NEIL1: variants seen among roughly 807,000 people sequenced by gnomAD.
NEIL1 encodes the protein nei like DNA glycosylase 1.
NEIL1 carries 31 observed loss-of-function variants against 44.2 expected under a neutral mutation model. The ratio of observed to expected loss-of-function variants is 0.70; its 90% confidence interval spans 0.53 to 0.95. The LOEUF (loss-of-function observed/expected upper bound fraction) is 0.95, where lower values mean the gene tolerates loss of function less well. NEIL1 is among the 40% of genes least tolerant of loss of function. The pLI, the probability that NEIL1 is intolerant of heterozygous loss-of-function variation, is 0.00. For missense variants in NEIL1, 549 were observed against 515.5 expected (o/e 1.07, Z -0.63); for synonymous variants, 254 against 209.7 (o/e 1.21, Z -1.83).
intron 3 of NEIL1, 24 bp downstream of exon 3, chr15:75,352,254 G>A (rs768509842): frequency 1.9e-6 from 3 of 1,614,262 alleles, no homozygotes; most frequent in Non-Finnish European, 2.5e-6. Flanking sequence ...CATGGGCATG[G>A]GGACTGCGGT....
intron 2 of NEIL1, 128 bp downstream of exon 2, chr15:75,349,467 A>G (rs532993878): frequency 4.7e-4 from 419 of 899,910 alleles, no homozygotes; most frequent in Admixed American, 6.3e-4. Context: ...CTGCAGATCA[A>G]GACAGTATAC....
chr15:75,354,119 G>T, intron 6 of NEIL1, 131 bp from the exon 7 acceptor site: 2 of 1,130,340 alleles, frequency 1.8e-6, no homozygotes, highest in Middle Eastern at 2.0e-4. Context: ...TAACATGGGG[G>T]ATGTCCTAGA....
chr15:75,348,232 C>A, intron 1 of NEIL1: 1 of 835,596 alleles, frequency 1.2e-6, no homozygotes, highest in Non-Finnish European at 1.4e-6. Flanking sequence ...GCGGGGATGT[C>A]CGGTCCGTGG....
Position 75,353,860 on chromosome 15 carries a change from GT to G in NEIL1, c.842del (p.Phe281SerfsTer25). ...AGGACCGGCATGGCCGTACCATCTG[GT>G]TCCAGGTTGGGCCCTACTGTTCACA... is the stretch of plus-strand genomic sequence containing the variant. Reference protein sequence around the residue: ...LQDRHGRTIWFQGDPGPLAPK... With the variant: ...LQDRHGRTIWXQGDPGPLAPK... On this transcript the variant is annotated frameshift_variant, in exon 6 of 10. Coordinates refer to ENST00000355059, the MANE Select transcript of NEIL1 (RefSeq NM_024608.4). LOFTEE classifies it high-confidence loss of function. The G allele has an allele frequency of 6.2e-7, 1 of 1,612,666 alleles. No homozygotes were observed. Among genetic ancestry groups the G allele is most frequent in the African/African-American group, 1.3e-5 (1 of 75,016 alleles).
Position 75,356,906 on chromosome 15 carries a change from G to C in NEIL1, c.*1872G>C. The C allele has an allele frequency of 5.0e-6, 8 of 1,613,554 alleles. No individual in the cohort carries two copies. Among genetic ancestry groups the C allele is most frequent in the Non-Finnish European group, 6.8e-6 (8 of 1,179,602 alleles). Reference sequence around the variant, plus strand: ...CCATCCAGCGATGGGCCCACACCTGGAGGGCAGATCCAAGACCCACTTGGT... The same window carrying C: ...CCATCCAGCGATGGGCCCACACCTGCAGGGCAGATCCAAGACCCACTTGGT... On this transcript the variant is annotated 3_prime_UTR_variant, in exon 10 of 10. Coordinates refer to ENST00000355059, the MANE Select transcript of NEIL1 (RefSeq NM_024608.4). This position sits in a 1 kb window ranked among gnomAD's most constrained non-coding sequence, Gnocchi z 5.8.
chr15:75,348,530 C>A, intron 1 of NEIL1: 1 of 1,143,368 alleles, frequency 8.7e-7, no homozygotes, highest in Non-Finnish European at 1.1e-6. Flanking sequence ...CAGCAGGGGC[C>A]AAGGCGGAGA....
At chr15:75,351,569 C>G (rs1192135673) in intron 2 of NEIL1, among the ~76,000 whole-genome samples, 1 of 152,030 alleles carries the variant, frequency 6.6e-6, no homozygotes, top group Admixed American at 6.6e-5. Context: ...CCACACCAGC[C>G]TCAAGTTACT....
At chr15:75,351,357 C>T in intron 2 of NEIL1, 1 of 423,856 alleles carries the variant, frequency 2.4e-6, no homozygotes. Context: ...CTCATTGCAG[C>T]CTTAACCTCC....
chr15:75,356,524 C>T lies in NEIL1; in HGVS notation c.*1490C>T. 6.4e-7 allele frequency: 1 copy of T among 1,553,510 alleles called. No homozygotes were observed. The highest frequency in any genetic ancestry group is 8.7e-7 in the Non-Finnish European group (1 of 1,147,330). ...CCCTGTCCCTAGAAGGGGCAGGAAGCCAGGTTGCTGGGGTTTGGGCTCAGG... is the reference window on the plus strand; with the variant it reads ...CCCTGTCCCTAGAAGGGGCAGGAAGTCAGGTTGCTGGGGTTTGGGCTCAGG... On this transcript the variant is annotated 3_prime_UTR_variant, in exon 10 of 10. Transcript: ENST00000355059. The surrounding 1 kb of genome is among the most constrained non-coding windows in gnomAD (Gnocchi z 5.8).
intron 7 of NEIL1, 24 bp downstream of exon 7, chr15:75,354,301 G>A: frequency 2.5e-6 from 4 of 1,613,966 alleles, no homozygotes; most frequent in Non-Finnish European, 3.4e-6. Flanking sequence ...AATGTAATAG[G>A]CTAAGAGAGC....
At chr15:75,352,995 GC>G (rs2072041785) in intron 5 of NEIL1, 1 of 317,776 alleles carries the variant, frequency 3.1e-6, no homozygotes, top group Admixed American at 4.6e-5. Context: ...CAAAAAATTA[GC>G]CAGGTGTGGT....
intron 6 of NEIL1, 85 bp downstream of exon 6, chr15:75,353,951 C>A: frequency 6.4e-7 from 1 of 1,551,678 alleles, no homozygotes; most frequent in South Asian, 1.2e-5. Flanking sequence ...GGTGGTGATG[C>A]TCAGGGTCTG....
rs2071686184 is a variant in NEIL1 at position 75,349,219 on chromosome 15, C to T, written c.314C>T (p.Pro105Leu). The T allele has an allele frequency of 1.9e-6, 3 of 1,609,668 alleles. No individual in the cohort carries two copies. Among genetic ancestry groups the T allele is most frequent in the South Asian group, 1.1e-5 (1 of 91,066 alleles). ...GCCCACCTGCGCTTTTACACGGCCCCGCCTGGCCCCCGGCTCGCCCTATGT... is the reference window on the plus strand; with the variant it reads ...GCCCACCTGCGCTTTTACACGGCCCTGCCTGGCCCCCGGCTCGCCCTATGT... ...RHAHLRFYTA[P>L]PGPRLALCFV... The change falls in exon 2 of 10, where the codon CCG (proline) becomes CTG (leucine). Residue 105 changes from proline to leucine, a missense_variant. Physicochemically the swap from Pro to Leu is moderately conservative, Grantham distance 98 (BLOSUM62 -3). Coordinates refer to ENST00000355059, the MANE Select transcript of NEIL1 (RefSeq NM_024608.4).
chr15:75,349,567 G>A, intron 2 of NEIL1: 1 of 556,420 alleles, frequency 1.8e-6, no homozygotes, highest in East Asian at 2.9e-5. Context: ...GTAAATCCCA[G>A]CACTTTGGGA....
In NEIL1 at chr15:75,348,864, G is replaced by T. The variant is rs745335123; in HGVS notation, c.-22-20G>T. 2 of 1,594,346 alleles carry T rather than the reference G, an allele frequency of 1.3e-6. No individual in the cohort carries two copies. Among genetic ancestry groups the T allele is most frequent in the African/African-American group, 1.3e-5 (1 of 74,656 alleles). On this transcript the variant is annotated intron_variant, in intron 1 of 9. Coordinates refer to ENST00000355059, the MANE Select transcript of NEIL1 (RefSeq NM_024608.4). ...ACAAAGTCCACACCGGGCTCAACCCGCTGCCTTCCTCCCCAACAGGACTCT... is the reference window on the plus strand; with the variant it reads ...ACAAAGTCCACACCGGGCTCAACCCTCTGCCTTCCTCCCCAACAGGACTCT...
In NEIL1 at chr15:75,356,902, C is replaced by T; in HGVS notation, c.*1868C>T. 1.2e-6 allele frequency: 2 copies of T among 1,613,556 alleles called. No individual in the cohort carries two copies. Among genetic ancestry groups the T allele is most frequent in the South Asian group, 1.1e-5 (1 of 91,088 alleles). On this transcript the variant is annotated 3_prime_UTR_variant, in exon 10 of 10. Transcript: ENST00000355059. This position sits in a 1 kb window ranked among gnomAD's most constrained non-coding sequence, Gnocchi z 5.8. ...AGATCCATCCAGCGATGGGCCCACA[C>T]CTGGAGGGCAGATCCAAGACCCACT... is the stretch of plus-strand genomic sequence containing the variant.
Position 75,348,243 on chromosome 15 carries a change from G to C in NEIL1, c.-22-641G>C, listed in dbSNP as rs2071596655. On this transcript the variant is annotated intron_variant, in intron 1 of 9. Coordinates refer to ENST00000355059, the MANE Select transcript of NEIL1 (RefSeq NM_024608.4). ...GGCCGCGGGGATGTCCGGTCCGTGG[G>C]GCAGGCCCGGTTCTCGCTGCGGCCA... is the stretch of plus-strand genomic sequence containing the variant. The C allele has an allele frequency of 5.8e-6, 5 of 866,944 alleles. No homozygotes were observed. In the South Asian group the frequency reaches 2.6e-4, roughly 45 times the overall value. 53.7% of individuals were successfully genotyped at this position (866,944 alleles called of 1,614,324 possible). A position where few individuals can be genotyped will look rare whatever the true frequency, so the allele number is the denominator to read the frequency against.
rs568382539 is a variant in NEIL1, at chr15:75,352,682, C to A, written c.699C>A (p.Pro233=). Reference sequence around the variant, plus strand: ...TGCTGGAGCTATGTCACTCAGTGCCCAAGGAAGTGGTCCAGTTGGGTGAGG... The same window carrying A: ...TGCTGGAGCTATGTCACTCAGTGCCAAAGGAAGTGGTCCAGTTGGGTGAGG... ...PDLLELCHSV[P]KEVVQLGGKG... Residue 233 remains proline (P), a synonymous_variant, in exon 5 of 10, where the codon CCC becomes CCA. Transcript: ENST00000355059. 2 of 1,612,014 alleles carry A rather than the reference C, an allele frequency of 1.2e-6. No homozygotes were observed. Among genetic ancestry groups the A allele is most frequent in the African/African-American group, 1.3e-5 (1 of 74,868 alleles).
Position 75,355,060 on chromosome 15 carries a change from A to C in NEIL1, c.*26A>C. 2 of 1,604,194 alleles carry C rather than the reference A, an allele frequency of 1.2e-6. No individual in the cohort carries two copies. Among genetic ancestry groups the C allele is most frequent in the Non-Finnish European group, 1.7e-6 (2 of 1,173,854 alleles). ...CAGGAGGCTCTCCTTGCTTGCACTC[A>C]CCCTTTCTTATTGTCTTGCCCTGCA... is the stretch of plus-strand genomic sequence containing the variant. On this transcript the variant is annotated 3_prime_UTR_variant, in exon 10 of 10. Coordinates refer to ENST00000355059, the MANE Select transcript of NEIL1 (RefSeq NM_024608.4).
Sources: gnomAD v4.1 joint callset for allele counts (sites outside exome capture counted in the v4.1 genomes callset) on GRCh38, gnomAD v4.1.1 for gene constraint, Gnocchi (gnomAD v3.1) non-coding constraint, MANE v1.5 for transcripts, NCBI Gene and HGNC (gene_info 2026-07-23, HGNC 2026-07-21) for gene names.